Variants in CTSV observed in about 807,000 individuals in gnomAD.
CTSV encodes cathepsin L2.
CTSV carries 33 observed loss-of-function variants against 35.6 expected under a neutral mutation model. That is an observed-to-expected ratio of 0.93 (90% CI 0.70 to 1.24). The LOEUF (loss-of-function observed/expected upper bound fraction) is 1.24, where lower values mean the gene tolerates loss of function less well. CTSV is among the 50% of genes most tolerant of loss of function. The probability of loss-of-function intolerance (pLI) is 0.00; values close to 1 mark genes in which losing one functional copy is unlikely to be tolerated. For missense variants in CTSV, 408 were observed against 413.1 expected, an observed-to-expected ratio of 0.99 and a Z score of 0.11; for synonymous variants, 154 against 147.1, an observed-to-expected ratio of 1.05 and a Z score of -0.34.
chr9:97,037,883 C>G, intron 2 of CTSV, 35 bp downstream of exon 2: 1 of 1,608,256 alleles, frequency 6.2e-7, no homozygotes, highest in Non-Finnish European at 8.5e-7. Context: ...CCATTCTCTC[C>G]AGAGTCCCTC....
At chr9:97,039,044 T>G (rs1180245197) in intron 1 of CTSV, 27 bp downstream of exon 1, 1 of 152,544 alleles carries the variant, frequency 6.6e-6, no homozygotes, top group Non-Finnish European at 1.5e-5. Flanking sequence ...CTTCGCCCTG[T>G]CCCTCGGTCT....
chr9:97,037,855 A>G lies in CTSV; in HGVS notation c.126+63T>C. 3 of 1,592,736 alleles carry G rather than the reference A, an allele frequency of 1.9e-6. No individual in the cohort carries two copies. The Admixed American group carries it at 5.1e-5, about 27-fold the overall frequency. On this transcript the variant is annotated intron_variant, in intron 2 of 7. Coordinates refer to ENST00000259470, the MANE Select transcript of CTSV (RefSeq NM_001333.4). Reference sequence around the variant, plus strand: ...GTCTAGAAGCTACTCTCTGGCTATCAACTCCCAACAGCGAGGACCATTCTC... The same window carrying G: ...GTCTAGAAGCTACTCTCTGGCTATCGACTCCCAACAGCGAGGACCATTCTC...
In CTSV at chr9:97,034,792, A is replaced by G; in HGVS notation, c.839T>C (p.Leu280Pro). 2 of 1,614,164 alleles carry G rather than the reference A, an allele frequency of 1.2e-6. No individual in the cohort carries two copies. Among genetic ancestry groups the G allele is most frequent in the Non-Finnish European group, 1.7e-6 (2 of 1,180,026 alleles). The change falls in exon 7 of 8, where the codon CTG (leucine) becomes CCG (proline). Residue 280 changes from leucine to proline, a missense_variant. Physicochemically the swap from Leu to Pro is moderately conservative, Grantham distance 98. Transcript: ENST00000259470. ...TCCTTCAAAGCCGTAGCCAACCACCAGAACACCATGATCCAGGTTTTTGCT... is the reference window on the plus strand; with the variant it reads ...TCCTTCAAAGCCGTAGCCAACCACCGGAACACCATGATCCAGGTTTTTGCT... ...CSSKNLDHGV[L>P]VVGYGFEGAN...
intron 1 of CTSV, chr9:97,038,263 G>A (rs1025429851): frequency 2.2e-5 from 10 of 460,114 alleles, no homozygotes; most frequent in Non-Finnish European, 4.0e-5. Context: ...CAGCATATGC[G>A]ATAATTTAGG....
rs781641986 is a variant in CTSV, at chr9:97,038,029, G to A, written c.15C>T (p.Leu5=). 2.4e-5 allele frequency: 39 copies of A among 1,613,594 alleles called. No individual in the cohort carries two copies. The highest frequency in any genetic ancestry group is 1.6e-4 in the Middle Eastern group (1 of 6,082). The change falls in exon 2 of 8, where the codon CTC becomes CTT. Residue 5 remains leucine (L), a synonymous_variant. Coordinates refer to ENST00000259470, the MANE Select transcript of CTSV (RefSeq NM_001333.4). Reference sequence around the variant, plus strand: ...TTCCCAAGCAAAAGGCAGCCAGGACGAGCGAAAGATTCATGTTTCAAAACC... The same window carrying A: ...TTCCCAAGCAAAAGGCAGCCAGGACAAGCGAAAGATTCATGTTTCAAAACC... The part of the protein sequence containing the change: MNLS[L]VLAAFCLGIA...
rs141819406 is a variant in CTSV at position 97,035,661 on chromosome 9, A to G, written c.654T>C (p.Ser218=). The stretch of plus-strand genomic sequence containing the variant: ...CTGTGAAGCCAGTGTCATTAGCAAC[A>G]GAATTCTCAGGTCTGTACTTACAGA... The part of the protein sequence containing the change: ...DEICKYRPEN[S]VANDTGFTVV... Residue 218 remains serine (S), a synonymous_variant, in exon 6 of 8, where the codon TCT becomes TCC. Transcript: ENST00000259470. 4.4e-6 allele frequency: 7 copies of G among 1,590,220 alleles called. No individual in the cohort carries two copies. The African/African-American group carries it at 9.5e-5, about 22-fold the overall frequency.
In CTSV at chr9:97,035,688, T is replaced by A; in HGVS notation, c.627A>T (p.Glu209Asp). The change falls in exon 6 of 8, where the codon GAA becomes GAT. Residue 209 changes from glutamate (E) to aspartate (D), a missense_variant. Transcript: ENST00000259470. Reference sequence around the variant, plus strand: ...AATTCTCAGGTCTGTACTTACAGATTTCATCCTTTTAAAGTTAAAGGGGGA... The same window carrying A: ...AATTCTCAGGTCTGTACTTACAGATATCATCCTTTTAAAGTTAAAGGGGGA... ...EESYPYVAVD[E>D]ICKYRPENSV... 1 of 1,511,992 alleles carries A rather than the reference T, an allele frequency of 6.6e-7. No individual in the cohort carries two copies. The highest frequency in any genetic ancestry group is 2.5e-5 in the East Asian group (1 of 40,704). The allele number at this position is 1,511,992 out of a possible 1,614,324, so 93.7% of individuals were successfully genotyped here. A position where few individuals can be genotyped will look rare whatever the true frequency, so the allele number is the denominator to read the frequency against.
At chr9:97,033,247 T>G (rs916379394) in intron 7 of CTSV, among the ~76,000 whole-genome samples, 199 bp from the exon 8 acceptor site, 1 of 151,202 alleles carries the variant, frequency 6.6e-6, no homozygotes, top group African/African-American at 2.4e-5. Flanking sequence ...GAGGCCGAGG[T>G]GGGCAGATCA....
intron 5 of CTSV, chr9:97,036,248 T>G: frequency 2.5e-6 from 1 of 408,016 alleles, no homozygotes; most frequent in Non-Finnish European, 4.5e-6. Context: ...TTTTTTTGTA[T>G]TTTTAGTAGA....
intron 7 of CTSV, among the ~76,000 whole-genome samples, chr9:97,034,188 G>C (rs1828805650): frequency 6.6e-6 from 1 of 152,252 alleles, no homozygotes; most frequent in South Asian, 2.1e-4. Flanking sequence ...GAATTCCACT[G>C]TAGCAGTCTG....
rs373133146 is a variant in CTSV at position 97,033,658 on chromosome 9, C to T, written c.906-610G>A. 4.2e-3 allele frequency among the ~76,000 whole-genome samples: 630 copies of T among 149,010 alleles called. 7 individuals carry two copies. Among genetic ancestry groups the T allele is most frequent in the African/African-American group, 0.015 (596 of 40,294 alleles). ...AAAACCCCCATAAAAATTGGCCAGG[C>T]GTGGTGGCGCATGCCTATAGTCCCA... is the stretch of plus-strand genomic sequence containing the variant. On this transcript the variant is annotated intron_variant, in intron 7 of 7. Coordinates refer to ENST00000259470, the MANE Select transcript of CTSV (RefSeq NM_001333.4).
chr9:97,037,717 G>A (rs1019169551), intron 2 of CTSV, 102 bp from the exon 3 acceptor site: 7 of 1,518,506 alleles, frequency 4.6e-6, no homozygotes, highest in Non-Finnish European at 5.4e-6. Context: ...CATGGCCAGG[G>A]ATGGGTTGAT....
At chr9:97,037,160 C>T (rs574048173) in intron 4 of CTSV, 92 bp downstream of exon 4, 8 of 1,357,174 alleles carry the variant, frequency 5.9e-6, no homozygotes, top group East Asian at 2.3e-5. Context: ...AAACCCATCA[C>T]CATATGTTGT....
chr9:97,034,643 A>G, intron 7 of CTSV, 83 bp downstream of exon 7: 2 of 1,050,978 alleles, frequency 1.9e-6, no homozygotes, highest in Non-Finnish European at 3.0e-6. Context: ...AGACTTTCGG[A>G]ATTTTGAAAT....
intron 5 of CTSV, among the ~76,000 whole-genome samples, chr9:97,035,907 T>C (rs910311093): frequency 6.6e-6 from 1 of 152,148 alleles, no homozygotes; most frequent in Non-Finnish European, 1.5e-5. Context: ...AATCTGTCCA[T>C]AAAAAATTTT....
Position 97,037,555 on chromosome 9 carries a change from T to G in CTSV, c.187A>C (p.Asn63His). Residue 63 changes from asparagine to histidine, a missense_variant, in exon 3 of 8, where the codon AAT becomes CAT. Coordinates refer to ENST00000259470, the MANE Select transcript of CTSV (RefSeq NM_001333.4). Reference sequence around the variant, plus strand: ...TGTTTCCCTTGGCTGTATTCCCCATTGTGCAGTTCAATCATTTTCATATTC... The same window carrying G: ...TGTTTCCCTTGGCTGTATTCCCCATGGTGCAGTTCAATCATTTTCATATTC... Reference protein sequence around the residue: ...EKNMKMIELHNGEYSQGKHGF... With the variant: ...EKNMKMIELHHGEYSQGKHGF... 2 of 1,614,144 alleles carry G rather than the reference T, an allele frequency of 1.2e-6. No individual in the cohort carries two copies. Among genetic ancestry groups the G allele is most frequent in the Non-Finnish European group, 1.7e-6 (2 of 1,180,010 alleles).
intron 1 of CTSV, chr9:97,038,270 T>G (rs1405089522): frequency 2.3e-6 from 1 of 441,050 alleles, no homozygotes; most frequent in African/African-American, 2.0e-5. Context: ...TGCGATAATT[T>G]AGGGTATGAG....
Position 97,037,340 on chromosome 9 carries a change from C to T in CTSV, c.308G>A (p.Gly103Glu). 6.2e-7 allele frequency: 1 copy of T among 1,614,166 alleles called. No homozygotes were observed. The highest frequency in any genetic ancestry group is 8.5e-7 in the Non-Finnish European group (1 of 1,180,028). ...AAACAGAGGCTCACGGAACACTTTC[C>T]CCTTCCTGAATTTCTGGTTTCGAAA... ...GCFRNQKFRKGKVFREPLFLD... is the reference protein window; with the variant it reads ...GCFRNQKFRKEKVFREPLFLD... The change falls in exon 4 of 8, where the codon GGG (glycine) becomes GAG (glutamate). Residue 103 changes from glycine to glutamate, a missense_variant. Physicochemically the swap from Gly to Glu is moderately conservative, Grantham distance 98. Coordinates refer to ENST00000259470, the MANE Select transcript of CTSV (RefSeq NM_001333.4).
chr9:97,034,882 A>T (rs377238256), intron 6 of CTSV, 39 bp from the exon 7 acceptor site: 32 of 1,541,532 alleles, frequency 2.1e-5, no homozygotes, highest in Non-Finnish European at 2.9e-5. Context: ...AGAAGCTCCA[A>T]GCGACATGTG....
Sources: allele counts gnomAD v4.1 joint callset (sites outside exome capture counted in the v4.1 genomes callset), GRCh38; gene constraint gnomAD v4.1.1; transcripts MANE v1.5; gene names NCBI Gene and HGNC (gene_info 2026-07-23, HGNC 2026-07-21).